The following RRP1B variants were observed in gnomAD, a reference collection of about 807,000 sequenced individuals.
RRP1B encodes ribosomal RNA processing protein 1 homolog B.
RRP1B carries 56 observed loss-of-function variants against 80.2 expected under a neutral mutation model. The observed-to-expected ratio is 0.70, with a 90% CI of 0.56 to 0.87. The LOEUF (loss-of-function observed/expected upper bound fraction) is 0.87, where lower values mean the gene tolerates loss of function less well. RRP1B is among the 40% of genes least tolerant of loss of function. The pLI, the probability that RRP1B is intolerant of heterozygous loss-of-function variation, is 0.00. For missense variants in RRP1B, 807 were observed against 939.8 expected (o/e 0.86, Z 1.85); for synonymous variants, 351 against 357.6 (o/e 0.98, Z 0.21).
chr21:43,675,360 T>C (rs916705698), intron 6 of RRP1B, among the ~76,000 whole-genome samples, 197 bp downstream of exon 6: 1 of 152,158 alleles, frequency 6.6e-6, no homozygotes, highest in African/African-American at 2.4e-5. Context: ...CATGACAGTC[T>C]TACCTGTAAA....
intron 8 of RRP1B, among the ~76,000 whole-genome samples, chr21:43,677,630 ACT>A (rs1219332088): frequency 1.3e-5 from 2 of 152,194 alleles, no homozygotes; most frequent in African/African-American, 4.8e-5. Flanking sequence ...CAGGGTACAA[ACT>A]CTACATAGAA....
Position 43,693,670 on chromosome 21 carries a change from T to A in RRP1B, c.*287T>A. ...TTGGTGTAGGAAATGAGACCCTCTC[T>A]GAAGCTGAGGAGAGCACGTTGATCT... is the stretch of plus-strand genomic sequence containing the variant. On this transcript the variant is annotated 3_prime_UTR_variant, in exon 16 of 16. Coordinates refer to ENST00000340648, the MANE Select transcript of RRP1B (RefSeq NM_015056.3). The surrounding 1 kb of genome is among the most constrained non-coding windows in gnomAD (Gnocchi z 4.1). The A allele has an allele frequency of 2.9e-6, 1 of 342,416 alleles. No individual in the cohort carries two copies. The allele number at this position is 342,416 out of a possible 1,614,324, so 21.2% of individuals were successfully genotyped here.
rs73369430 is a variant in RRP1B at position 43,682,192 on chromosome 21, C to T, written c.797-1087C>T. Reference sequence around the variant, plus strand: ...GGACCTGGAGCAAATTTTATGTGGTCATGGGAGTAGTCTCTGGGTCCCTCC... The same window carrying T: ...GGACCTGGAGCAAATTTTATGTGGTTATGGGAGTAGTCTCTGGGTCCCTCC... On this transcript the variant is annotated intron_variant, in intron 8 of 15. Coordinates refer to ENST00000340648, the MANE Select transcript of RRP1B (RefSeq NM_015056.3). Among the ~76,000 whole-genome samples the T allele has an allele frequency of 8.0e-3, 1,219 of 152,236 alleles. 13 individuals are homozygous for T. Among genetic ancestry groups the T allele is most frequent in the African/African-American group, 0.027 (1,102 of 41,546 alleles).
Position 43,693,275 on chromosome 21 carries a change from C to T in RRP1B, c.2169C>T (p.His723=), listed in dbSNP as rs779875424. 24 of 1,613,890 alleles carry T rather than the reference C, an allele frequency of 1.5e-5. No homozygotes were observed. The Middle Eastern group carries it at 4.9e-4, about 33-fold the overall frequency. ...TCGACCCTGAACAGAAGCCCCTCCA[C>T]GGGGTGCTGAAGACCCCCACCAGCT... ...VAFDPEQKPL[H]GVLKTPTSSP... is the part of the protein sequence containing the mutation. The change falls in exon 16 of 16, where the codon CAC becomes CAT. Residue 723 remains histidine, a synonymous_variant. Transcript: ENST00000340648. The surrounding 1 kb of genome is among the most constrained non-coding windows in gnomAD (Gnocchi z 4.1).
chr21:43,685,705 G>A lies in RRP1B; in HGVS notation c.990-65G>A, dbSNP rs2083060171. 5 of 1,212,444 alleles carry A rather than the reference G, an allele frequency of 4.1e-6. No individual in the cohort carries two copies. The African/African-American group carries it at 6.2e-5, about 15-fold the overall frequency. 75.1% of individuals were successfully genotyped at this position (1,212,444 alleles called of 1,614,324 possible). A position where few individuals can be genotyped will look rare whatever the true frequency, so the allele number is the denominator to read the frequency against. On this transcript the variant is annotated intron_variant, in intron 10 of 15. Coordinates refer to ENST00000340648, the MANE Select transcript of RRP1B (RefSeq NM_015056.3). ...CAAATACATATGTCTACAGAAGACA[G>A]AAGGGATTTCTTTATGAACATTTGT...
chr21:43,687,688 C>G lies in RRP1B; in HGVS notation c.1314C>G (p.Ala438=), dbSNP rs775525228. ...AGCCCGAGGCCTCTGGGCTGAAAGC[C>G]CTGAAGGCACGTGTGGCCGAGCCAG... ...GREPEASGLK[A]LKARVAEPGA... The change falls in exon 13 of 16, where the codon GCC becomes GCG. Residue 438 remains alanine (A), a synonymous_variant. Coordinates refer to ENST00000340648, the MANE Select transcript of RRP1B (RefSeq NM_015056.3). 5.0e-6 allele frequency: 8 copies of G among 1,608,736 alleles called. No individual in the cohort carries two copies. The highest frequency in any genetic ancestry group is 5.9e-6 in the Non-Finnish European group (7 of 1,177,014).
rs1380538480 is a variant in RRP1B at position 43,695,670 on chromosome 21, A to G, written c.*2287A>G. On this transcript the variant is annotated 3_prime_UTR_variant, in exon 16 of 16. Coordinates refer to ENST00000340648, the MANE Select transcript of RRP1B (RefSeq NM_015056.3). ...AATACTGGTTTTCTATTTACGCATGATATTTTCCTAAGTAAAATTGCCAAG... is the reference window on the plus strand; with the variant it reads ...AATACTGGTTTTCTATTTACGCATGGTATTTTCCTAAGTAAAATTGCCAAG... 1 of 152,236 alleles carries G rather than the reference A, an allele frequency of 6.6e-6. No individual in the cohort carries two copies. The highest frequency in any genetic ancestry group is 2.4e-5 in the African/African-American group (1 of 41,474). The allele number at this position is 152,236 out of a possible 1,614,324, so 9.4% of individuals were successfully genotyped here. A position where few individuals can be genotyped will look rare whatever the true frequency, so the allele number is the denominator to read the frequency against.
At chr21:43,674,754 G>GC in intron 5 of RRP1B, 57 bp downstream of exon 5, 1 of 1,453,076 alleles carries the variant, frequency 6.9e-7, no homozygotes, top group South Asian at 1.2e-5. Flanking sequence ...AGGTAGTAGA[G>GC]TGTCAAGTTT....
At chr21:43,681,451 G>T (rs1192206708) in intron 8 of RRP1B, among the ~76,000 whole-genome samples, 1 of 151,722 alleles carries the variant, frequency 6.6e-6, no homozygotes, top group East Asian at 2.0e-4. Context: ...TGCCTCCCGG[G>T]TTCAAGCAAT....
chr21:43,685,740 ATTTT>A (rs775233290), intron 10 of RRP1B, 26 bp from the exon 11 acceptor site: 1 of 1,404,042 alleles, frequency 7.1e-7, no homozygotes, highest in Non-Finnish European at 9.5e-7. Flanking sequence ...TTATTTTTTT[ATTTT>A]TTATTTTTTA....
At position 43,693,305 on chromosome 21, in the gene RRP1B, T is replaced by C; in HGVS notation, c.2199T>C (p.Pro733=). The part of the protein sequence containing the change: ...HGVLKTPTSS[P]ASSPLVAKKP... ...TGCTGAAGACCCCCACCAGCTCACC[T>C]GCCAGCTCACCCCTGGTGGCCAAGA... Residue 733 remains proline, a synonymous_variant, in exon 16 of 16, where the codon CCT becomes CCC. Coordinates refer to ENST00000340648, the MANE Select transcript of RRP1B (RefSeq NM_015056.3). This position sits in a 1 kb window ranked among gnomAD's most constrained non-coding sequence, Gnocchi z 4.1. 1 of 1,613,448 alleles carries C rather than the reference T, an allele frequency of 6.2e-7. No homozygotes were observed. The highest frequency in any genetic ancestry group is 8.5e-7 in the Non-Finnish European group (1 of 1,179,698).
At chr21:43,681,071 C>G (rs974151364) in intron 8 of RRP1B, among the ~76,000 whole-genome samples, 1 of 152,022 alleles carries the variant, frequency 6.6e-6, no homozygotes, top group Admixed American at 6.6e-5. Context: ...GAAACCAAGT[C>G]TCTACCAAAA....
At chr21:43,667,560 CTT>C (rs1438149828) in intron 1 of RRP1B, among the ~76,000 whole-genome samples, 1 of 152,138 alleles carries the variant, frequency 6.6e-6, no homozygotes, top group East Asian at 1.9e-4. Flanking sequence ...TGGGTGATAT[CTT>C]TTCATCTAAT....
At chr21:43,686,708 G>C (rs985795428) in intron 11 of RRP1B, 96 bp from the exon 12 acceptor site, 10 of 1,415,646 alleles carry the variant, frequency 7.1e-6, no homozygotes, top group African/African-American at 1.4e-5. Flanking sequence ...GAACGATGAT[G>C]ATGAGGCAGA....
chr21:43,683,606 C>T (rs1169731078), intron 9 of RRP1B, among the ~76,000 whole-genome samples: 1 of 152,120 alleles, frequency 6.6e-6, no homozygotes, highest in Non-Finnish European at 1.5e-5. Flanking sequence ...GCTAAGCTCT[C>T]CTCTGTTCTC....
chr21:43,685,851 C>T (rs1330779804), intron 11 of RRP1B, 62 bp downstream of exon 11: 5 of 1,543,834 alleles, frequency 3.2e-6, no homozygotes, highest in Non-Finnish European at 1.7e-6. Context: ...CCACTGGGGG[C>T]GTTGATGCCA....
rs1300410443 is a variant in RRP1B at position 43,690,146 on chromosome 21, T to C, written c.1867-142T>C. The C allele has an allele frequency of 1.5e-5, 12 of 819,376 alleles. No homozygotes were observed. The East Asian group carries it at 3.3e-4, about 22-fold the overall frequency. 50.8% of individuals were successfully genotyped at this position (819,376 alleles called of 1,614,324 possible). On this transcript the variant is annotated intron_variant, in intron 13 of 15. Transcript: ENST00000340648. Reference sequence around the variant, plus strand: ...AGCTCTGCCGAATGGAAGGGCTGTCTGCAAGTGCGGTGCGGAAGACCGCGG... The same window carrying C: ...AGCTCTGCCGAATGGAAGGGCTGTCCGCAAGTGCGGTGCGGAAGACCGCGG...
chr21:43,670,438 C>T (rs746536210), intron 2 of RRP1B, among the ~76,000 whole-genome samples: 1 of 152,266 alleles, frequency 6.6e-6, no homozygotes, highest in South Asian at 2.1e-4. Context: ...GTCACCCAAA[C>T]GCGCAGCAGG....
Position 43,676,467 on chromosome 21 carries a change from G to A in RRP1B, c.614+131G>A, listed in dbSNP as rs188481728. The A allele has an allele frequency of 1.7e-3, 1,255 of 753,738 alleles. 4 individuals carry two copies. The highest frequency in any genetic ancestry group is 2.4e-3 in the Non-Finnish European group (1,093 of 449,418). The allele number at this position is 753,738 out of a possible 1,614,324, so 46.7% of individuals were successfully genotyped here. A position where few individuals can be genotyped will look rare whatever the true frequency, so the allele number is the denominator to read the frequency against. On this transcript the variant is annotated intron_variant, in intron 7 of 15. Coordinates refer to ENST00000340648, the MANE Select transcript of RRP1B (RefSeq NM_015056.3). ...CAGAGAGCGGCTGGAGAAGACAGCC[G>A]AAGCTTTGAGCAGTGATTTGGCTCT...
Sources: gnomAD v4.1 joint callset for allele counts (sites outside exome capture counted in the v4.1 genomes callset) on GRCh38, gnomAD v4.1.1 for gene constraint, Gnocchi (gnomAD v3.1) non-coding constraint, MANE v1.5 for transcripts, NCBI Gene and HGNC (gene_info 2026-07-23, HGNC 2026-07-21) for gene names.